MKLN1: variants seen among roughly 807,000 people sequenced by gnomAD.
MKLN1 encodes muskelin 1, also known as muskelin.
A neutral mutation model predicts 99.0 loss-of-function variants in MKLN1; 18 were observed. That is an observed-to-expected ratio of 0.18 (90% CI 0.13 to 0.27). The LOEUF (loss-of-function observed/expected upper bound fraction) is 0.27. Ranked by LOEUF, MKLN1 falls within the 10% of genes least tolerant of loss-of-function variation. The pLI, the probability that MKLN1 is intolerant of heterozygous loss-of-function variation, is 1.00. For synonymous variants in MKLN1, 288 were observed against 293.2 expected (o/e 0.98, Z 0.18); for missense variants, 621 against 875.9 (o/e 0.71, Z 3.67).
At chr7:131,457,208 C>T (rs1052544298) in intron 12 of MKLN1, among the ~76,000 whole-genome samples, 1 of 151,122 alleles carries the variant, frequency 6.6e-6, no homozygotes, top group African/African-American at 2.4e-5. Context: ...ACCCGGGAGG[C>T]GGAGATTGCA....
At chr7:131,375,902 T>A (rs1374662640) in intron 2 of MKLN1, among the ~76,000 whole-genome samples, 1 of 150,096 alleles carries the variant, frequency 6.7e-6, no homozygotes, top group East Asian at 1.9e-4. Flanking sequence ...CTAAATTTCT[T>A]TTCCCTGGCA....
intron 12 of MKLN1, among the ~76,000 whole-genome samples, chr7:131,452,842 CCCGGCCGAT>C (rs1323665957): frequency 9.2e-5 from 14 of 152,304 alleles, no homozygotes; most frequent in Non-Finnish European, 2.1e-4. Flanking sequence ...AGCCACTGCA[CCCGGCCGAT>C]CCTTTTATAC....
At chr7:131,460,513 A>G (rs1796484830) in intron 12 of MKLN1, among the ~76,000 whole-genome samples, 1 of 152,244 alleles carries the variant, frequency 6.6e-6, no homozygotes, top group Non-Finnish European at 1.5e-5. Context: ...TATATGATTA[A>G]CAAAGTAAAG....
chr7:131,281,663 A>C (rs1334082401), intron 3 of MKLN1, among the ~76,000 whole-genome samples: 1 of 151,228 alleles, frequency 6.6e-6, no homozygotes, highest in Admixed American at 6.6e-5. Flanking sequence ...TTGTTTATTG[A>C]TCTTGTATCC....
At chr7:131,231,027 C>A (rs966217790) in intron 3 of MKLN1, among the ~76,000 whole-genome samples, 2 of 135,230 alleles carry the variant, frequency 1.5e-5, no homozygotes, top group Non-Finnish European at 3.0e-5. Context: ...GGCCGAGGCA[C>A]GAGAATCGTT....
At chr7:131,417,670 C>T (rs892299668) in intron 8 of MKLN1, among the ~76,000 whole-genome samples, 4 of 151,962 alleles carry the variant, frequency 2.6e-5, no homozygotes, top group East Asian at 3.8e-4. Flanking sequence ...TTATTTTTTA[C>T]GTTCAAAAAA....
At chr7:131,209,838 G>T (rs749263828) in intron 3 of MKLN1, among the ~76,000 whole-genome samples, 1 of 152,132 alleles carries the variant, frequency 6.6e-6, no homozygotes, top group Non-Finnish European at 1.5e-5. Flanking sequence ...GATAGATGTG[G>T]CTGTCCGGAA....
rs143110269 is a variant in MKLN1, at chr7:131,270,807, A to G, written c.-179+67833A>G. Among the ~76,000 whole-genome samples, 295 of 152,152 alleles carry G rather than the reference A, an allele frequency of 1.9e-3. 1 individual carries two copies. The highest frequency in any genetic ancestry group is 6.9e-3 in the African/African-American group (285 of 41,538). On this transcript the variant is annotated intron_variant, in intron 3 of 7. Transcript: ENST00000416992. The stretch of plus-strand genomic sequence containing the variant: ...ATGTTAATGCAAAATGTTAATTATA[A>G]TAGTAATATTTATATAAATAGCTTA...
intron 1 of MKLN1, among the ~76,000 whole-genome samples, chr7:131,329,670 T>G (rs1362692919): frequency 6.6e-6 from 1 of 152,206 alleles, no homozygotes; most frequent in African/African-American, 2.4e-5. Context: ...ATAACACAAG[T>G]ACCATCCGCG....
rs113400378 is a variant in MKLN1, at chr7:131,266,494, GT to G, written c.-179+63526del. Among the ~76,000 whole-genome samples, 772 of 152,228 alleles carry G rather than the reference GT, an allele frequency of 5.1e-3. 4 individuals carry two copies. Among genetic ancestry groups the G allele is most frequent in the African/African-American group, 0.018 (738 of 41,534 alleles). On this transcript the variant is annotated intron_variant, in intron 3 of 7. Transcript: ENST00000416992. The stretch of plus-strand genomic sequence containing the variant: ...AATGTAATTTATTTGGTAGATAAAA[GT>G]TTTTTCAAAGCATACAGCTCTTGGG...
intron 3 of MKLN1, among the ~76,000 whole-genome samples, chr7:131,278,079 A>G (rs891346016): frequency 3.3e-5 from 5 of 151,678 alleles, no homozygotes; most frequent in Admixed American, 6.6e-5. Flanking sequence ...GTCTGGCTCT[A>G]TTGAGCAAAC....
At chr7:131,466,790 C>T (rs1025505633) in intron 15 of MKLN1, among the ~76,000 whole-genome samples, 2 of 152,140 alleles carry the variant, frequency 1.3e-5, no homozygotes, top group Non-Finnish European at 2.9e-5. Flanking sequence ...GTTGACTATA[C>T]CATATCTTCC....
At chr7:131,388,524 T>G (rs547177640) in intron 3 of MKLN1, among the ~76,000 whole-genome samples, 1 of 152,362 alleles carries the variant, frequency 6.6e-6, no homozygotes, top group East Asian at 1.9e-4. Flanking sequence ...ATTGTCAGAT[T>G]TGACTGTGAA....
At chr7:131,373,556 T>C (rs1452390762) in intron 1 of MKLN1, among the ~76,000 whole-genome samples, 4 of 152,162 alleles carry the variant, frequency 2.6e-5, no homozygotes, top group African/African-American at 9.6e-5. Context: ...GTCTCTTTAT[T>C]TGTGTTGGTA....
rs376204940 is a variant in MKLN1 at position 131,321,219 on chromosome 7, C to T, written c.-178-54205C>T. Among the ~76,000 whole-genome samples, 8 of 150,744 alleles carry T rather than the reference C, an allele frequency of 5.3e-5. No individual in the cohort carries two copies. In the East Asian group the frequency reaches 1.6e-3, roughly 30 times the overall value. ...GACAAGCTGGAAAAAGAAAATGTGGCACATAAACACCATGGAATACTATGC... is the reference window on the plus strand; with the variant it reads ...GACAAGCTGGAAAAAGAAAATGTGGTACATAAACACCATGGAATACTATGC... On this transcript the variant is annotated intron_variant, in intron 3 of 7. Coordinates refer to the MKLN1 transcript ENST00000416992.
intron 3 of MKLN1, among the ~76,000 whole-genome samples, chr7:131,315,894 A>C (rs1451173284): frequency 1.3e-5 from 2 of 152,196 alleles, no homozygotes; most frequent in Non-Finnish European, 2.9e-5. Flanking sequence ...TAACAGCCCC[A>C]GTCAGGGGCT....
intron 1 of MKLN1, among the ~76,000 whole-genome samples, chr7:131,349,834 C>T (rs1030646131): frequency 9.9e-5 from 15 of 152,124 alleles, no homozygotes; most frequent in African/African-American, 3.1e-4. Flanking sequence ...TTTTATCAAA[C>T]TTCTGTATAG....
At chr7:131,192,097 T>TATATATATAATATATATAC (rs1397719421) in intron 2 of MKLN1, among the ~76,000 whole-genome samples, 970 of 76,828 alleles carry the variant, frequency 0.013, 140 homozygotes, top group African/African-American at 0.054. Context: ...TATATATATA[T>TATATATATAATATATATAC]GTATATATAT....
At chr7:131,142,829 T>C in exon 2 of MKLN1, 1 of 1,061,190 alleles carries the variant, frequency 9.4e-7, no homozygotes, top group South Asian at 1.4e-5. Flanking sequence ...GAGTTCCATA[T>C]CCAGACTCTC....
Sources: allele counts gnomAD v4.1 joint callset (sites outside exome capture counted in the v4.1 genomes callset), GRCh38; gene constraint gnomAD v4.1.1; transcripts MANE v1.5; gene names NCBI Gene and HGNC (gene_info 2026-07-23, HGNC 2026-07-21).